ZBTB48: variants seen among roughly 807,000 people sequenced by gnomAD.
The protein encoded by ZBTB48 is zinc finger and BTB domain-containing protein 48.
Under a neutral mutation model 64.5 loss-of-function variants are expected in ZBTB48, and 35 were observed. That is an observed-to-expected ratio of 0.54 (90% CI 0.41 to 0.72). The LOEUF (loss-of-function observed/expected upper bound fraction) is 0.72, where lower values mean the gene tolerates loss of function less well. Ranked by LOEUF, ZBTB48 falls within the 30% of genes least tolerant of loss-of-function variation. The pLI is 0.00. For synonymous variants in ZBTB48, 442 were observed against 356.7 expected, an observed-to-expected ratio of 1.24 and a Z score of -2.70; for missense variants, 828 against 895.3, an observed-to-expected ratio of 0.92 and a Z score of 0.96.
rs963832792 is a variant in ZBTB48, at chr1:6,586,687, A to G, written c.1045-8A>G. ...GATGCCGGCCCTGCTTGCCCCTCAC[A>G]CTGCCAGGTCTTCACGTGCTCTGTG... On this transcript the variant is annotated splice_region_variant and splice_polypyrimidine_tract_variant and intron_variant, in intron 4 of 10. Coordinates refer to ENST00000377674, the MANE Select transcript of ZBTB48 (RefSeq NM_005341.4). 2.0e-6 allele frequency: 3 copies of G among 1,534,686 alleles called. No homozygotes were observed. Among genetic ancestry groups the G allele is most frequent in the South Asian group, 1.3e-5 (1 of 78,342 alleles).
intron 2 of ZBTB48, 100 bp from the exon 3 acceptor site, chr1:6,581,957 TG>T: frequency 6.5e-7 from 1 of 1,542,166 alleles, no homozygotes. Flanking sequence ...TGAAGGGACT[TG>T]TCAGGGTTGG....
At chr1:6,586,113 G>C in intron 4 of ZBTB48, 83 bp downstream of exon 4, 1 of 1,369,540 alleles carries the variant, frequency 7.3e-7, no homozygotes, top group Non-Finnish European at 1.0e-6. Flanking sequence ...GGCCCCAGGA[G>C]ACTGTCTGAG....
In ZBTB48 at chr1:6,588,039, C is replaced by T. The variant is rs1165358323; in HGVS notation, c.1380-21C>T. 5 of 1,613,700 alleles carry T rather than the reference C, an allele frequency of 3.1e-6. No individual in the cohort carries two copies. In the Admixed American group the frequency reaches 6.7e-5, roughly 22 times the overall value. Reference sequence around the variant, plus strand: ...CACTTCCCTTGGTGATGGCCTCTGCCCCATGTCCCCACCTTAACAGGAATG... The same window carrying T: ...CACTTCCCTTGGTGATGGCCTCTGCTCCATGTCCCCACCTTAACAGGAATG... On this transcript the variant is annotated intron_variant, in intron 7 of 10. Coordinates refer to ENST00000377674, the MANE Select transcript of ZBTB48 (RefSeq NM_005341.4).
intron 2 of ZBTB48, among the ~76,000 whole-genome samples, chr1:6,581,774 C>T (rs1486827366): frequency 6.6e-6 from 1 of 152,228 alleles, no homozygotes; most frequent in Non-Finnish European, 1.5e-5. Context: ...TCTGCAAGCC[C>T]CAGCTGTTCA....
chr1:6,584,970 T>C lies in ZBTB48; in HGVS notation c.933-949T>C, dbSNP rs1342978922. ...ATTTAAGGGAACTAAACAAAGGTGC[T>C]TGTGCAGCCGACCTGCTTGCCAGGC... On this transcript the variant is annotated intron_variant, in intron 3 of 10. Transcript: ENST00000377674. This position sits in a 1 kb window ranked among gnomAD's most constrained non-coding sequence, Gnocchi z 4.5. 6.6e-6 allele frequency among the ~76,000 whole-genome samples: 1 copy of C among 152,098 alleles called. No individual in the cohort carries two copies. The highest frequency in any genetic ancestry group is 1.5e-5 in the Non-Finnish European group (1 of 68,016).
rs537970651 is a variant in ZBTB48, at chr1:6,583,640, G to A, written c.932+1341G>A. Among the ~76,000 whole-genome samples the A allele has an allele frequency of 3.4e-4, 46 of 136,988 alleles. No individual in the cohort carries two copies. The South Asian group carries it at 6.5e-3, about 19-fold the overall frequency. 89.9% of individuals were successfully genotyped at this position (136,988 alleles called of 152,430 possible). ...TTTTTTGAGACAGTCTCACTGTGTC[G>A]CCCAGGTTGGAGTGCAGTGGCATGA... On this transcript the variant is annotated intron_variant, in intron 3 of 10. Transcript: ENST00000377674.
intron 3 of ZBTB48, among the ~76,000 whole-genome samples, chr1:6,585,017 C>A (rs1640607478): frequency 6.6e-6 from 1 of 152,158 alleles, no homozygotes; most frequent in Admixed American, 6.5e-5. Context: ...CAGATAAGTC[C>A]ATCTGCCTGC....
At chr1:6,586,275 C>A in intron 4 of ZBTB48, 1 of 547,386 alleles carries the variant, frequency 1.8e-6, no homozygotes, top group Non-Finnish European at 3.2e-6. Flanking sequence ...TCCTAGGCCC[C>A]TGGCCCACCT....
chr1:6,583,776 CTTTTTTTT>C (rs36102416), intron 3 of ZBTB48, among the ~76,000 whole-genome samples: 1 of 85,858 alleles, frequency 1.2e-5, no homozygotes, highest in South Asian at 4.2e-4. Flanking sequence ...AATTGTTTTA[CTTTTTTTT>C]TTTTTTTTTT....
In ZBTB48 at chr1:6,588,565, G is replaced by A. The variant is rs566104720; in HGVS notation, c.1681+123G>A. ...GCCCCACATGGTTAGAGTTGAGAGTGGACCTGCTTTGAAGGCAGGGGTGTC... is the reference window on the plus strand; with the variant it reads ...GCCCCACATGGTTAGAGTTGAGAGTAGACCTGCTTTGAAGGCAGGGGTGTC... On this transcript the variant is annotated intron_variant, in intron 9 of 10. Transcript: ENST00000377674. 3.9e-5 allele frequency: 57 copies of A among 1,446,206 alleles called. No individual in the cohort carries two copies. In the African/African-American group the frequency reaches 7.5e-4, roughly 19 times the overall value. 89.6% of individuals were successfully genotyped at this position (1,446,206 alleles called of 1,614,324 possible). A position where few individuals can be genotyped will look rare whatever the true frequency, so the allele number is the denominator to read the frequency against.
chr1:6,587,486 C>T lies in ZBTB48; in HGVS notation c.1233C>T (p.Thr411=). 1.2e-6 allele frequency: 2 copies of T among 1,613,930 alleles called. No homozygotes were observed. Among genetic ancestry groups the T allele is most frequent in the Non-Finnish European group, 1.7e-6 (2 of 1,179,990 alleles). The stretch of plus-strand genomic sequence containing the variant: ...GCCTGGTCTGCCTGCAGTGCCCCAC[C>T]TGTGCCAAGTGCTTCCTGTCTCGGA... The part of the protein sequence containing the change: ...HGAPKPHACP[T]CAKCFLSRTE... The change falls in exon 7 of 11, where the codon ACC becomes ACT. Residue 411 remains threonine, a synonymous_variant. Transcript: ENST00000377674.
chr1:6,581,983 C>G, intron 2 of ZBTB48, 75 bp from the exon 3 acceptor site: 30 of 1,585,412 alleles, frequency 1.9e-5, no homozygotes, highest in Non-Finnish European at 2.5e-5. Context: ...TGGGATGGAA[C>G]TGGAGCTGGG....
At position 6,586,682 on chromosome 1, in the gene ZBTB48, C is replaced by T. The variant is rs1184088837; in HGVS notation, c.1045-13C>T. 2.6e-6 allele frequency: 4 copies of T among 1,533,140 alleles called. No homozygotes were observed. The African/African-American group carries it at 4.1e-5, about 16-fold the overall frequency. 95.0% of individuals were successfully genotyped at this position (1,533,140 alleles called of 1,614,324 possible). A position where few individuals can be genotyped will look rare whatever the true frequency, so the allele number is the denominator to read the frequency against. ...CCGCTGATGCCGGCCCTGCTTGCCC[C>T]TCACACTGCCAGGTCTTCACGTGCT... On this transcript the variant is annotated splice_polypyrimidine_tract_variant and intron_variant, in intron 4 of 10. Coordinates refer to ENST00000377674, the MANE Select transcript of ZBTB48 (RefSeq NM_005341.4).
rs754327534 is a variant in ZBTB48 at position 6,580,600 on chromosome 1, C to G, written c.-10C>G. On this transcript the variant is annotated 5_prime_UTR_variant, in exon 2 of 11. Transcript: ENST00000377674. This position sits in a 1 kb window ranked among gnomAD's most constrained non-coding sequence, Gnocchi z 5.2. ...CGGGGTGTCACTTCTGCCTCCCTGC[C>G]CTCCAGACCATGGACGGCTCCTTCG... 7 of 1,602,706 alleles carry G rather than the reference C, an allele frequency of 4.4e-6. No individual in the cohort carries two copies. The highest frequency in any genetic ancestry group is 6.0e-6 in the Non-Finnish European group (7 of 1,171,978).
In ZBTB48 at chr1:6,580,916, C is replaced by G. The variant is rs201902452; in HGVS notation, c.307C>G (p.Arg103Gly). The change falls in exon 2 of 11, where the codon CGA (arginine) becomes GGA (glycine). Residue 103 changes from arginine to glycine, a missense_variant. Arg to Gly is a moderately radical substitution (Grantham distance 125). Transcript: ENST00000377674. The surrounding 1 kb of genome is among the most constrained non-coding windows in gnomAD (Gnocchi z 5.2). The stretch of plus-strand genomic sequence containing the variant: ...GGTGCTCCTGGCAGCCAGGGAGTTG[C>G]GAGTGCCAGAGGCCGTAGAGCTGTG... ...DQVLLAAREL[R>G]VPEAVELCQS... 14 of 1,613,918 alleles carry G rather than the reference C, an allele frequency of 8.7e-6. 1 individual carries two copies. The highest frequency in any genetic ancestry group is 7.7e-5 in the South Asian group (7 of 91,090).
At chr1:6,587,956 C>T in intron 7 of ZBTB48, 104 bp from the exon 8 acceptor site, 1 of 1,491,312 alleles carries the variant, frequency 6.7e-7, no homozygotes, top group South Asian at 1.3e-5. Flanking sequence ...CCTTTCCTAG[C>T]ACTGCCCAAG....
intron 7 of ZBTB48, 103 bp downstream of exon 7, chr1:6,587,735 C>A: frequency 6.6e-7 from 1 of 1,509,806 alleles, no homozygotes; most frequent in South Asian, 1.3e-5. Flanking sequence ...GATGAGTGTG[C>A]CCTTGGCCTC....
At chr1:6,587,917 C>T in intron 7 of ZBTB48, 143 bp from the exon 8 acceptor site, 2 of 1,231,814 alleles carry the variant, frequency 1.6e-6, no homozygotes, top group South Asian at 1.5e-5. Flanking sequence ...CATAGATTGT[C>T]CTTCTGCTCT....
Position 6,586,214 on chromosome 1 carries a change from G to A in ZBTB48, c.1044+184G>A, listed in dbSNP as rs369333523. ...AGGTGGGGACACAGGTCCTGAGGGCGGAAGGGACAGGCATAGGAGGGACTC... is the reference window on the plus strand; with the variant it reads ...AGGTGGGGACACAGGTCCTGAGGGCAGAAGGGACAGGCATAGGAGGGACTC... On this transcript the variant is annotated intron_variant, in intron 4 of 10. Coordinates refer to ENST00000377674, the MANE Select transcript of ZBTB48 (RefSeq NM_005341.4). 257 of 651,694 alleles carry A rather than the reference G, an allele frequency of 3.9e-4. 3 individuals carry two copies. In the South Asian group the frequency reaches 4.1e-3, roughly 10 times the overall value. 40.4% of individuals were successfully genotyped at this position (651,694 alleles called of 1,614,324 possible).
Sources: allele counts gnomAD v4.1 joint callset (sites outside exome capture counted in the v4.1 genomes callset), GRCh38; gene constraint gnomAD v4.1.1; non-coding constraint Gnocchi (gnomAD v3.1); transcripts MANE v1.5; gene names NCBI Gene and HGNC (gene_info 2026-07-23, HGNC 2026-07-21).